Variants in NRXN3 observed in about 807,000 individuals in gnomAD.
NRXN3 encodes the protein neurexin 3, also known as neurexin III.
Under a neutral mutation model 137.6 loss-of-function variants are expected in NRXN3, and 32 were observed. The ratio of observed to expected loss-of-function variants is 0.23; its 90% CI spans 0.18 to 0.31. The LOEUF is 0.31. Ranked by LOEUF, NRXN3 falls within the 10% of genes least tolerant of loss-of-function variation. The probability of loss-of-function intolerance (pLI) is 1.00; values close to 1 mark genes in which losing one functional copy is unlikely to be tolerated. For synonymous variants in NRXN3, 798 were observed against 784.5 expected (o/e 1.02, Z -0.29); for missense variants, 1,574 against 2,062.5 (o/e 0.76, Z 4.59).
At chr14:79,419,286 A>T (rs1164035321) in intron 15 of NRXN3, among the ~76,000 whole-genome samples, 1 of 152,170 alleles carries the variant, frequency 6.6e-6, no homozygotes, top group Non-Finnish European at 1.5e-5. Flanking sequence ...GGTAAATGAC[A>T]GACATAAGAT....
chr14:79,462,462 C>T (rs1048372663), intron 15 of NRXN3, among the ~76,000 whole-genome samples: 11 of 150,488 alleles, frequency 7.3e-5, no homozygotes, highest in Admixed American at 4.0e-4. Context: ...ATTTTAACAT[C>T]AATAGAATTA....
intron 4 of NRXN3, among the ~76,000 whole-genome samples, chr14:78,314,893 C>CTTTCTTTCTG (rs750155165): frequency 1.2e-5 from 1 of 82,128 alleles, no homozygotes; most frequent in Non-Finnish European, 2.4e-5. Context: ...TTCTTTCTTT[C>CTTTCTTTCTG]TCTTTCTTTC....
chr14:79,376,797 G>T (rs1472238747), intron 15 of NRXN3, among the ~76,000 whole-genome samples: 6 of 152,164 alleles, frequency 3.9e-5, no homozygotes, highest in Admixed American at 2.6e-4. Context: ...CATATGGATA[G>T]ATGTTTCTGA....
chr14:78,525,008 A>G (rs1007333706), intron 4 of NRXN3, among the ~76,000 whole-genome samples: 1 of 152,180 alleles, frequency 6.6e-6, no homozygotes, highest in African/African-American at 2.4e-5. Flanking sequence ...CATGTGTTCC[A>G]TCAGTATTTT....
rs2098387542 is a variant in NRXN3 at position 78,709,493 on chromosome 14, CAGA to C, written c.1503_1505del (p.Lys501del). 3 of 1,614,080 alleles carry C rather than the reference CAGA, an allele frequency of 1.9e-6. No homozygotes were observed. Among genetic ancestry groups the C allele is most frequent in the Non-Finnish European group, 2.5e-6 (3 of 1,180,016 alleles). On this transcript the variant is annotated inframe_deletion, in exon 7 of 21. Transcript: ENST00000335750. The stretch of plus-strand genomic sequence containing the variant: ...CCAAGAGAGGAAGGATGCTCGGAGC[CAGA>C]AGAATACAAAAGTAGACTTCTTTGC...
intron 4 of NRXN3, among the ~76,000 whole-genome samples, chr14:78,365,051 C>T (rs1186124403): frequency 3.9e-5 from 6 of 151,932 alleles, no homozygotes; most frequent in Non-Finnish European, 5.9e-5. Context: ...ACAGGATTAG[C>T]AAGAAATTAA....
At chr14:78,405,967 C>A (rs183692221) in intron 4 of NRXN3, among the ~76,000 whole-genome samples, 1 of 152,000 alleles carries the variant, frequency 6.6e-6, no homozygotes, top group African/African-American at 2.4e-5. Context: ...ATGAGGAAAC[C>A]GAGACTCACA....
At position 79,862,486 on chromosome 14, in the gene NRXN3, AAC is replaced by A. The variant is rs915439564; in HGVS notation, c.*524_*525del. The A allele has an allele frequency of 6.6e-6, 1 of 151,058 alleles. No homozygotes were observed. The highest frequency in any genetic ancestry group is 1.5e-5 in the Non-Finnish European group (1 of 67,556). 9.4% of individuals were successfully genotyped at this position (151,058 alleles called of 1,614,324 possible). A position where few individuals can be genotyped will look rare whatever the true frequency, so the allele number is the denominator to read the frequency against. On this transcript the variant is annotated 3_prime_UTR_variant, in exon 21 of 21. Coordinates refer to ENST00000335750, the MANE Select transcript of NRXN3 (RefSeq NM_001330195.2). ...AAAAAAACACCAAAAAACAAAAACAAACAAAAAAAAAAACCCACAACCCTTAT... is the reference window on the plus strand; with the variant it reads ...AAAAAAACACCAAAAAACAAAAACAAAAAAAAAAAAACCCACAACCCTTAT...
At position 78,539,654 on chromosome 14, in the gene NRXN3, T is replaced by G. The variant is rs141029464; in HGVS notation, c.758-105466T>G. ...ACTTATCTCTTGCCTTCTGCTAACT[T>G]TTGAATTTGTTTGCTCTTGTTTCTG... On this transcript the variant is annotated intron_variant, in intron 4 of 20. Coordinates refer to ENST00000335750, the MANE Select transcript of NRXN3 (RefSeq NM_001330195.2). 2.0e-5 allele frequency among the ~76,000 whole-genome samples: 3 copies of G among 152,304 alleles called. No individual in the cohort carries two copies. In the East Asian group the frequency reaches 5.8e-4, roughly 29 times the overall value.
intron 16 of NRXN3, among the ~76,000 whole-genome samples, chr14:79,618,206 G>T (rs1315928459): frequency 6.6e-6 from 1 of 151,808 alleles, no homozygotes; most frequent in Admixed American, 6.6e-5. Context: ...TATTTTTAAT[G>T]CTTATTTAAG....
intron 15 of NRXN3, among the ~76,000 whole-genome samples, chr14:79,403,854 G>A (rs542457696): frequency 3.9e-5 from 6 of 152,242 alleles, no homozygotes; most frequent in South Asian, 2.1e-4. Context: ...AGCTTGACAC[G>A]ATGGAGCAAA....
intron 15 of NRXN3, among the ~76,000 whole-genome samples, chr14:79,176,317 C>A (rs1294322901): frequency 6.6e-6 from 1 of 152,128 alleles, no homozygotes; most frequent in Admixed American, 6.6e-5. Flanking sequence ...GATTGTAAAC[C>A]TGAAAGTGTG....
chr14:79,778,601 G>A (rs1285466077), intron 19 of NRXN3, among the ~76,000 whole-genome samples: 2 of 151,782 alleles, frequency 1.3e-5, no homozygotes, highest in Non-Finnish European at 2.9e-5. Flanking sequence ...TTGTTTGTTT[G>A]TTTGTTTTAC....
At chr14:78,897,499 T>C (rs1263128731) in intron 10 of NRXN3, among the ~76,000 whole-genome samples, 1 of 151,828 alleles carries the variant, frequency 6.6e-6, no homozygotes, top group Non-Finnish European at 1.5e-5. Context: ...AAAGCTACAG[T>C]TATGAGAAAG....
At chr14:79,651,394 C>CTTGTCT (rs1464428076) in intron 16 of NRXN3, among the ~76,000 whole-genome samples, 1 of 152,122 alleles carries the variant, frequency 6.6e-6, no homozygotes, top group Non-Finnish European at 1.5e-5. Context: ...GCACTATGCA[C>CTTGTCT]TTGTCTTGCT....
chr14:79,090,206 C>T (rs1055021553), intron 15 of NRXN3, among the ~76,000 whole-genome samples: 1 of 152,022 alleles, frequency 6.6e-6, no homozygotes, highest in African/African-American at 2.4e-5. Context: ...ATACTCATCC[C>T]CTTATGCAGA....
At chr14:78,421,867 C>T (rs558843336) in intron 4 of NRXN3, among the ~76,000 whole-genome samples, 2 of 152,208 alleles carry the variant, frequency 1.3e-5, no homozygotes, top group South Asian at 2.1e-4. Context: ...TAACTTTTTC[C>T]CTTATAATCA....
At chr14:78,781,143 A>T (rs922121858) in intron 8 of NRXN3, among the ~76,000 whole-genome samples, 5 of 152,244 alleles carry the variant, frequency 3.3e-5, no homozygotes, top group Admixed American at 3.3e-4. Flanking sequence ...CATACTCTTG[A>T]GTGAAAAAAG....
At chr14:79,523,080 C>T (rs2097083811) in intron 16 of NRXN3, among the ~76,000 whole-genome samples, 2 of 152,088 alleles carry the variant, frequency 1.3e-5, no homozygotes, top group South Asian at 2.1e-4. Flanking sequence ...GTGGAATTTC[C>T]ACTGAAGGCT....
Sources: gnomAD v4.1 joint callset for allele counts (sites outside exome capture counted in the v4.1 genomes callset) on GRCh38, gnomAD v4.1.1 for gene constraint, MANE v1.5 for transcripts, NCBI Gene and HGNC (gene_info 2026-07-23, HGNC 2026-07-21) for gene names.